RC3H1: variants seen among roughly 807,000 people sequenced by gnomAD.
RC3H1 encodes ring finger and CCCH-type domains 1, also known as roquin-1.
In RC3H1, 50 loss-of-function variants were observed where a neutral mutation model predicts 138.2. The observed-to-expected ratio is 0.36, with a 90% CI of 0.29 to 0.46. The LOEUF is 0.46. Among genes scored for constraint, RC3H1 ranks in the 20% least tolerant of loss-of-function variants. The probability of loss-of-function intolerance (pLI) is 1.00; values close to 1 mark genes in which losing one functional copy is unlikely to be tolerated. For missense variants in RC3H1, 1,031 were observed against 1,388.1 expected, an observed-to-expected ratio of 0.74 and a Z score of 4.09; for synonymous variants, 462 against 489.1, an observed-to-expected ratio of 0.94 and a Z score of 0.73.
chr1:173,997,272 C>T (rs1571237341), intron 1 of RC3H1, among the ~76,000 whole-genome samples: 1 of 152,146 alleles, frequency 6.6e-6, no homozygotes, highest in African/African-American at 2.4e-5. Context: ...AGTTGGGCAA[C>T]TTACAAAAGT....
chr1:173,932,249 T>A lies in RC3H1; in HGVS notation c.*6472A>T, dbSNP rs1053740032. 2 of 149,862 alleles carry A rather than the reference T, an allele frequency of 1.3e-5. No individual in the cohort carries two copies. Among genetic ancestry groups the A allele is most frequent in the African/African-American group, 4.9e-5 (2 of 40,704 alleles). 9.3% of individuals were successfully genotyped at this position (149,862 alleles called of 1,614,324 possible). On this transcript the variant is annotated 3_prime_UTR_variant, in exon 20 of 20. Coordinates refer to ENST00000367696, the MANE Select transcript of RC3H1 (RefSeq NM_172071.4). ...AGTTATTTTTTTAAAAAAAACAAAATAAAACAAAATAAAATCCACCCAAAA... is the reference window on the plus strand; with the variant it reads ...AGTTATTTTTTTAAAAAAAACAAAAAAAAACAAAATAAAATCCACCCAAAA...
rs376196737 is a variant in RC3H1 at position 173,980,899 on chromosome 1, T to C, written c.879A>G (p.Glu293=). The change falls in exon 6 of 20, where the codon GAA becomes GAG. Residue 293 remains glutamate, a synonymous_variant. Transcript: ENST00000367696. ...GGTCCGGTGCAATTCGTAAGCCTGC[T>C]TCCATAGCAATCTGCACTATCTGGG... ...HDSQIVQIAM[E]AGLRIAPDQW... is the part of the protein sequence containing the mutation. The C allele has an allele frequency of 4.3e-6, 7 of 1,614,014 alleles. No individual in the cohort carries two copies. In the African/African-American group the frequency reaches 6.7e-5, roughly 15 times the overall value.
At chr1:173,954,868 T>A (rs1659564341) in intron 13 of RC3H1, among the ~76,000 whole-genome samples, 1 of 152,036 alleles carries the variant, frequency 6.6e-6, no homozygotes. Context: ...ATGGAAAGTA[T>A]CTAGGATAGA....
In RC3H1 at chr1:173,952,154, GA is replaced by G; in HGVS notation, c.2371-17del. 4.9e-6 allele frequency: 5 copies of G among 1,022,630 alleles called. No individual in the cohort carries two copies. The highest frequency in any genetic ancestry group is 3.8e-5 in the South Asian group (1 of 26,236). The allele number at this position is 1,022,630 out of a possible 1,614,324, so 63.3% of individuals were successfully genotyped here. A position where few individuals can be genotyped will look rare whatever the true frequency, so the allele number is the denominator to read the frequency against. On this transcript the variant is annotated splice_polypyrimidine_tract_variant and intron_variant, in intron 13 of 19. Coordinates refer to ENST00000367696, the MANE Select transcript of RC3H1 (RefSeq NM_172071.4). ...CATCCAAAAACTACAGATGGAGAAA[GA>G]AAAAAAACAAAAAAAAAAAAAAGAG...
Position 173,946,579 on chromosome 1 carries a change from C to T in RC3H1, c.2858G>A (p.Ser953Asn), listed in dbSNP as rs757795757. The T allele has an allele frequency of 1.2e-6, 2 of 1,613,964 alleles. No homozygotes were observed. Among genetic ancestry groups the T allele is most frequent in the Non-Finnish European group, 1.7e-6 (2 of 1,179,894 alleles). Residue 953 changes from serine to asparagine, a missense_variant, in exon 17 of 20, where the codon AGT becomes AAT. By Grantham distance (46) the Ser-to-Asn change is conservative. Transcript: ENST00000367696. The stretch of plus-strand genomic sequence containing the variant: ...AGCAGATGGAAGGGGTTTTCCATGA[C>T]TGGCCACTTCTGACATAGATATTCT... ...RERISMSEVA[S>N]HGKPLPSAER... is the part of the protein sequence containing the mutation.
At chr1:173,949,131 G>T (rs868824155) in intron 14 of RC3H1, among the ~76,000 whole-genome samples, 2,492 of 64,448 alleles carry the variant, frequency 0.039, 120 homozygotes, top group African/African-American at 0.21. Flanking sequence ...TATTTTTTTG[G>T]GGGGGGGGGT....
rs553942867 is a variant in RC3H1 at position 173,940,101 on chromosome 1, G to C, written c.3251+1164C>G. On this transcript the variant is annotated intron_variant, in intron 19 of 19. Transcript: ENST00000367696. The stretch of plus-strand genomic sequence containing the variant: ...GAATAATACTGGATGATATAGGATA[G>C]ACTGAATTAAAAACCAGGGAGATGG... Among the ~76,000 whole-genome samples, 10 of 152,298 alleles carry C rather than the reference G, an allele frequency of 6.6e-5. No individual in the cohort carries two copies. In the South Asian group the frequency reaches 2.1e-3, roughly 32 times the overall value.
chr1:173,944,755 G>C (rs922605917), intron 17 of RC3H1, among the ~76,000 whole-genome samples: 7 of 152,196 alleles, frequency 4.6e-5, no homozygotes, highest in Non-Finnish European at 1.0e-4. Context: ...AATGGCGAAA[G>C]CAGACAAAAT....
At chr1:174,013,882 C>T (rs1169114535) in intron 1 of RC3H1, among the ~76,000 whole-genome samples, 1 of 152,072 alleles carries the variant, frequency 6.6e-6, no homozygotes, top group East Asian at 1.9e-4. Context: ...AGTTCAAGAC[C>T]AATCTCTATT....
intron 1 of RC3H1, among the ~76,000 whole-genome samples, chr1:174,012,784 C>CA (rs11397475): frequency 0.24 from 27,539 of 112,460 alleles, 3,762 homozygotes; most frequent in African/African-American, 0.41. Flanking sequence ...GACTCTGTCT[C>CA]AAAAAAAAAA....
At chr1:173,961,687 C>CA in intron 12 of RC3H1, 38 bp downstream of exon 12, 3 of 1,554,020 alleles carry the variant, frequency 1.9e-6, no homozygotes, top group Admixed American at 3.8e-5. Context: ...AAGCAACAGT[C>CA]AAATTAAGTC....
chr1:173,938,893 GA>G, intron 19 of RC3H1, 22 bp from the exon 20 acceptor site: 4 of 1,546,912 alleles, frequency 2.6e-6, no homozygotes, highest in Non-Finnish European at 3.5e-6. Flanking sequence ...TTAAAATTTT[GA>G]AAAAGGAGAG....
At chr1:173,987,392 G>A (rs952161562) in intron 2 of RC3H1, among the ~76,000 whole-genome samples, 1 of 151,908 alleles carries the variant, frequency 6.6e-6, no homozygotes, top group African/African-American at 2.4e-5. Flanking sequence ...CATTTATTTT[G>A]TTGTTCAAAC....
Position 173,932,425 on chromosome 1 carries a change from G to A in RC3H1, c.*6296C>T, listed in dbSNP as rs1658418595. 1 of 152,140 alleles carries A rather than the reference G, an allele frequency of 6.6e-6. No individual in the cohort carries two copies. Among genetic ancestry groups the A allele is most frequent in the East Asian group, 1.9e-4 (1 of 5,162 alleles). 9.4% of individuals were successfully genotyped at this position (152,140 alleles called of 1,614,324 possible). ...TCAAAACTGGAAAATGTTTAAGTGG[G>A]TGAAAGGTTTTGTTCATTACCTTAA... On this transcript the variant is annotated 3_prime_UTR_variant, in exon 20 of 20. Coordinates refer to ENST00000367696, the MANE Select transcript of RC3H1 (RefSeq NM_172071.4).
intron 7 of RC3H1, among the ~76,000 whole-genome samples, chr1:173,977,086 C>A (rs1660619475): frequency 6.6e-6 from 1 of 152,156 alleles, no homozygotes; most frequent in South Asian, 2.1e-4. Context: ...CCATGCCCAG[C>A]TAATTTTTTT....
Position 173,992,669 on chromosome 1 carries a change from AACACACACACACACACAC to A in RC3H1, c.231+68_231+85del, listed in dbSNP as rs34709821. 9.1e-6 allele frequency: 6 copies of A among 657,764 alleles called. No individual in the cohort carries two copies. In the African/African-American group the frequency reaches 1.1e-4, roughly 13 times the overall value. 40.7% of individuals were successfully genotyped at this position (657,764 alleles called of 1,614,324 possible). On this transcript the variant is annotated intron_variant, in intron 2 of 19. Coordinates refer to ENST00000367696, the MANE Select transcript of RC3H1 (RefSeq NM_172071.4). ...TTTCTCTCAGGAGAAAAACACGCACAACACACACACACACACACACACACACACACAGAGAGAGAGAGA... is the reference window on the plus strand; with the variant it reads ...TTTCTCTCAGGAGAAAAACACGCACAACACACACACACAGAGAGAGAGAGA...
intron 1 of RC3H1, among the ~76,000 whole-genome samples, chr1:174,011,156 GT>G (rs1290386883): frequency 6.6e-6 from 1 of 152,052 alleles, no homozygotes; most frequent in African/African-American, 2.4e-5. Flanking sequence ...AACTGGAAGA[GT>G]CTTTTGTGCC....
chr1:173,939,728 G>A (rs890400196), intron 19 of RC3H1, among the ~76,000 whole-genome samples: 2 of 151,546 alleles, frequency 1.3e-5, no homozygotes, highest in Non-Finnish European at 2.9e-5. Flanking sequence ...CCAGCTACTC[G>A]GGAGGCTGAG....
At chr1:173,967,319 C>CA (rs200557773) in intron 9 of RC3H1, among the ~76,000 whole-genome samples, 1,521 of 150,646 alleles carry the variant, frequency 0.01, 12 homozygotes, top group Non-Finnish European at 0.015. Context: ...GACCCTGTCT[C>CA]AAAAAAAAAG....
Sources: allele counts gnomAD v4.1 joint callset (sites outside exome capture counted in the v4.1 genomes callset), GRCh38; gene constraint gnomAD v4.1.1; transcripts MANE v1.5; gene names NCBI Gene and HGNC (gene_info 2026-07-23, HGNC 2026-07-21).